WIPI2: variants seen among roughly 807,000 people sequenced by gnomAD.
The protein encoded by WIPI2 is WD repeat domain phosphoinositide-interacting protein 2.
Under a neutral mutation model 52.3 loss-of-function variants are expected in WIPI2, and 28 were observed. The observed-to-expected ratio is 0.54, with a 90% confidence interval of 0.40 to 0.73. The LOEUF is 0.73. Ranked by LOEUF, WIPI2 falls within the 30% of genes least tolerant of loss-of-function variation. The pLI is 0.00. For synonymous variants in WIPI2, 268 were observed against 245.0 expected (o/e 1.09, Z -0.88); for missense variants, 506 against 602.9 (o/e 0.84, Z 1.68).
intron 7 of WIPI2, among the ~76,000 whole-genome samples, chr7:5,221,954 T>TTA (rs1554254903): frequency 0.022 from 2,064 of 94,024 alleles, 52 homozygotes; most frequent in Admixed American, 0.07. Flanking sequence ...GGCTTTTATT[T>TTA]TTTTTTTTTT....
At chr7:5,217,559 A>G in intron 6 of WIPI2, 2 of 398,306 alleles carry the variant, frequency 5.0e-6, no homozygotes, top group Non-Finnish European at 9.4e-6. Context: ...GGCCCCCTAA[A>G]GTGCTGGGAC....
intron 1 of WIPI2, among the ~76,000 whole-genome samples, 198 bp from the exon 2 acceptor site, chr7:5,192,920 T>C (rs548303473): frequency 1.3e-5 from 2 of 152,334 alleles, no homozygotes; most frequent in Admixed American, 6.5e-5. Flanking sequence ...ATATATGTTA[T>C]AGGGTCATTT....
At chr7:5,213,150 GC>G (rs1400266781) in intron 3 of WIPI2, 1 of 151,612 alleles carries the variant, frequency 6.6e-6, no homozygotes, top group Non-Finnish European at 1.5e-5. Context: ...ATGCTGCTGA[GC>G]AGAGAAGCTG....
chr7:5,194,086 G>A (rs139184964), intron 2 of WIPI2, among the ~76,000 whole-genome samples: 75 of 152,326 alleles, frequency 4.9e-4, no homozygotes, highest in Non-Finnish European at 9.7e-4. Context: ...GTGACGCCCA[G>A]TTTCTGGCTT....
intron 3 of WIPI2, among the ~76,000 whole-genome samples, chr7:5,209,264 T>C (rs1412888569): frequency 2.0e-5 from 3 of 152,194 alleles, no homozygotes; most frequent in Non-Finnish European, 4.4e-5. Context: ...ATGTCTTGCT[T>C]TCTAATGTTT....
chr7:5,201,650 G>A (rs1367962151), intron 3 of WIPI2, among the ~76,000 whole-genome samples: 1 of 152,206 alleles, frequency 6.6e-6, no homozygotes, highest in Non-Finnish European at 1.5e-5. Context: ...GGAGGCTGAG[G>A]CACGAGAATC....
rs184360554 is a variant in WIPI2 at position 5,195,279 on chromosome 7, G to A, written c.128+2108G>A. Among the ~76,000 whole-genome samples the A allele has an allele frequency of 4.2e-3, 642 of 152,272 alleles. 13 individuals are homozygous for A. Among genetic ancestry groups the A allele is most frequent in the East Asian group, 2.7e-3 (14 of 5,170 alleles). On this transcript the variant is annotated intron_variant, in intron 2 of 12. Transcript: ENST00000288828. The stretch of plus-strand genomic sequence containing the variant: ...AGGTGGGAGGATCCCTTGAGTTCAG[G>A]AGTTCAAGACCAGGTTGGGCAACAC...
chr7:5,228,190 G>A lies in WIPI2; in HGVS notation c.1100G>A (p.Cys367Tyr). ...YNLDPQEGGECALMKQHRLDG... is the reference protein window; with the variant it reads ...YNLDPQEGGEYALMKQHRLDG... ...CTGGACCCCCAGGAGGGCGGCGAGT[G>A]TGCCCTGATGAAGCAGCACCGGTGA... Residue 367 changes from cysteine to tyrosine, a missense_variant, in exon 11 of 13, where the codon TGT becomes TAT. Transcript: ENST00000288828. 1.2e-6 allele frequency: 2 copies of A among 1,613,448 alleles called. No individual in the cohort carries two copies. Among genetic ancestry groups the A allele is most frequent in the East Asian group, 2.2e-5 (1 of 44,862 alleles).
Position 5,217,138 on chromosome 7 carries a change from C to A in WIPI2, c.527C>A (p.Pro176Gln). Residue 176 changes from proline to glutamine, a missense_variant, in exon 6 of 13, where the codon CCA (proline) becomes CAA (glutamine). By Grantham distance (76) the Pro-to-Gln change is moderately conservative. Around this residue, in one of 4 missense-constraint regions of WIPI2, gnomAD observed 237 missense variants for 346.9 expected, o/e 0.68. Transcript: ENST00000288828. ...INNDNCYLAY[P>Q]GSATIGEVQV... ...AACGACAACTGCTACTTGGCGTACCCAGGGAGCGCGACCATCGGAGAGGTG... is the reference window on the plus strand; with the variant it reads ...AACGACAACTGCTACTTGGCGTACCAAGGGAGCGCGACCATCGGAGAGGTG... 1 of 1,614,120 alleles carries A rather than the reference C, an allele frequency of 6.2e-7. No homozygotes were observed. Among genetic ancestry groups the A allele is most frequent in the African/African-American group, 1.3e-5 (1 of 75,018 alleles).
At chr7:5,200,471 G>T (rs1026810237) in intron 3 of WIPI2, among the ~76,000 whole-genome samples, 6 of 152,110 alleles carry the variant, frequency 3.9e-5, no homozygotes, top group Non-Finnish European at 2.9e-5. Flanking sequence ...TCATAGCTGG[G>T]ATATTGACAT....
At chr7:5,225,009 G>C (rs1246421357) in intron 8 of WIPI2, among the ~76,000 whole-genome samples, 1 of 152,162 alleles carries the variant, frequency 6.6e-6, no homozygotes, top group Non-Finnish European at 1.5e-5. Context: ...TGCTATTACG[G>C]ACAGGGCTAA....
At chr7:5,192,415 A>G (rs1289388719) in intron 1 of WIPI2, among the ~76,000 whole-genome samples, 2 of 152,226 alleles carry the variant, frequency 1.3e-5, no homozygotes, top group African/African-American at 4.8e-5. Context: ...TTCTATCAGA[A>G]TGAAATCAAA....
intron 7 of WIPI2, among the ~76,000 whole-genome samples, chr7:5,221,614 TCTGTTTATTCC>T (rs1328171150): frequency 1.3e-5 from 2 of 152,240 alleles, no homozygotes; most frequent in African/African-American, 4.8e-5. Flanking sequence ...TTGGCGCTTC[TCTGTTTATTCC>T]CCCAGATGTT....
chr7:5,216,444 A>G, intron 4 of WIPI2, 119 bp from the exon 5 acceptor site: 1 of 800,954 alleles, frequency 1.2e-6, no homozygotes, highest in Non-Finnish European at 2.0e-6. Context: ...AAAAAATAAA[A>G]TACAATAACA....
chr7:5,194,800 G>A (rs187342716), intron 2 of WIPI2, among the ~76,000 whole-genome samples: 4 of 152,224 alleles, frequency 2.6e-5, no homozygotes, highest in Non-Finnish European at 4.4e-5. Context: ...AAACTCATAC[G>A]ATAGAAAGAA....
chr7:5,202,735 C>T (rs1425766035), intron 3 of WIPI2, among the ~76,000 whole-genome samples: 3 of 152,106 alleles, frequency 2.0e-5, no homozygotes, highest in Admixed American at 1.3e-4. Context: ...CGCGCCCGGC[C>T]TCTCATATGA....
At chr7:5,214,786 C>T (rs1357103635) in intron 4 of WIPI2, 82 bp downstream of exon 4, 5 of 1,501,618 alleles carry the variant, frequency 3.3e-6, no homozygotes, top group African/African-American at 2.7e-5. Flanking sequence ...CCGGCATGCC[C>T]CTCCGTCATT....
intron 4 of WIPI2, among the ~76,000 whole-genome samples, chr7:5,214,910 G>A (rs557981269): frequency 6.6e-6 from 1 of 152,346 alleles, no homozygotes; most frequent in Admixed American, 6.5e-5. Flanking sequence ...AAATGCCCGG[G>A]CCTCTGCCAC....
intron 2 of WIPI2, among the ~76,000 whole-genome samples, chr7:5,195,580 TCTC>T (rs1781709291): frequency 6.6e-6 from 1 of 152,178 alleles, no homozygotes; most frequent in Admixed American, 6.5e-5. Flanking sequence ...TTAGGGAAAA[TCTC>T]CTACTTACCT....
Sources: allele counts gnomAD v4.1 joint callset (sites outside exome capture counted in the v4.1 genomes callset), GRCh38; gene constraint gnomAD v4.1.1; regional missense constraint gnomAD v4.1.1; transcripts MANE v1.5; gene names NCBI Gene and HGNC (gene_info 2026-07-23, HGNC 2026-07-21).